Variants in IGSF21 observed in about 807,000 individuals in gnomAD.
The protein encoded by IGSF21 is immunoglobin superfamily member 21.
IGSF21 carries 28 observed loss-of-function variants against 46.8 expected under a neutral mutation model. The ratio of observed to expected loss-of-function variants is 0.60; its 90% CI spans 0.44 to 0.82. The LOEUF (loss-of-function observed/expected upper bound fraction) is 0.82, where lower values mean the gene tolerates loss of function less well. Among genes scored for constraint, IGSF21 ranks in the 40% least tolerant of loss-of-function variants. The pLI is 0.00. For synonymous variants in IGSF21, 284 were observed against 273.6 expected (o/e 1.04, Z -0.38); for missense variants, 624 against 665.5 (o/e 0.94, Z 0.69).
intron 4 of IGSF21, among the ~76,000 whole-genome samples, chr1:18,345,950 C>T (rs963286342): frequency 1.3e-5 from 2 of 152,192 alleles, no homozygotes; most frequent in Non-Finnish European, 2.9e-5. Flanking sequence ...ATTTCATTTC[C>T]CTAGACCTCA....
intron 1 of IGSF21, among the ~76,000 whole-genome samples, chr1:18,169,237 G>T (rs1258311851): frequency 6.6e-6 from 1 of 152,226 alleles, no homozygotes; most frequent in Non-Finnish European, 1.5e-5. Flanking sequence ...CGCCATGGAG[G>T]CCCATCTGCG....
chr1:18,142,527 C>T (rs1289600939), intron 1 of IGSF21, among the ~76,000 whole-genome samples: 3 of 152,186 alleles, frequency 2.0e-5, no homozygotes, highest in Non-Finnish European at 2.9e-5. Context: ...CCCTGGCCCT[C>T]GGGCCCTCCC....
intron 5 of IGSF21, 63 bp downstream of exon 5, chr1:18,362,293 T>C (rs1569878411): frequency 8.2e-7 from 1 of 1,218,686 alleles, no homozygotes; most frequent in Middle Eastern, 2.0e-4. Flanking sequence ...TCGGGGCTGG[T>C]CCAGCTGCAG....
At chr1:18,312,001 C>T (rs559366435) in intron 3 of IGSF21, among the ~76,000 whole-genome samples, 34 of 152,350 alleles carry the variant, frequency 2.2e-4, no homozygotes, top group African/African-American at 8.2e-4. Flanking sequence ...CCCAGAGAGG[C>T]CTTCCCTGAC....
rs185234120 is a variant in IGSF21 at position 18,322,974 on chromosome 1, C to T, written c.306-11918C>T. ...GGGAATGGGGAAGCGGGTTCAGGGC[C>T]CAAGGTGAACAGCAGTGGCTGGACA... On this transcript the variant is annotated intron_variant, in intron 3 of 9. Transcript: ENST00000251296. This position sits in a 1 kb window ranked among gnomAD's most constrained non-coding sequence, Gnocchi z 4.3. 2.6e-4 allele frequency among the ~76,000 whole-genome samples: 40 copies of T among 152,170 alleles called. No individual in the cohort carries two copies. The highest frequency in any genetic ancestry group is 1.9e-3 in the Admixed American group (29 of 15,284).
chr1:18,353,086 C>T (rs1288031538), intron 4 of IGSF21, among the ~76,000 whole-genome samples: 1 of 152,090 alleles, frequency 6.6e-6, no homozygotes, highest in Non-Finnish European at 1.5e-5. Context: ...TAAGCACAGA[C>T]GCAGCGTTTA....
chr1:18,311,343 C>A (rs1227104296), intron 3 of IGSF21, among the ~76,000 whole-genome samples: 1 of 152,186 alleles, frequency 6.6e-6, no homozygotes, highest in Non-Finnish European at 1.5e-5. Context: ...TAATCACTGT[C>A]CCCAGGAGCC....
At chr1:18,171,514 C>T (rs749542168) in intron 1 of IGSF21, among the ~76,000 whole-genome samples, 1 of 152,152 alleles carries the variant, frequency 6.6e-6, no homozygotes, top group African/African-American at 2.4e-5. Context: ...CAGTCCCCAG[C>T]GTCAGAAAGT....
In IGSF21 at chr1:18,335,091, G is replaced by A; in HGVS notation, c.424+81G>A. Reference sequence around the variant, plus strand: ...AGTGTGTGAATGTGCGCACAGAGTGGCCATCCTGGGGGCCATCCACCAGAA... The same window carrying A: ...AGTGTGTGAATGTGCGCACAGAGTGACCATCCTGGGGGCCATCCACCAGAA... On this transcript the variant is annotated intron_variant, in intron 4 of 9. Transcript: ENST00000251296. The surrounding 1 kb of genome is among the most constrained non-coding windows in gnomAD (Gnocchi z 4.8). The A allele has an allele frequency of 9.3e-7, 1 of 1,078,104 alleles. No homozygotes were observed. Among genetic ancestry groups the A allele is most frequent in the Non-Finnish European group, 1.4e-6 (1 of 704,590 alleles). 66.8% of individuals were successfully genotyped at this position (1,078,104 alleles called of 1,614,324 possible). A position where few individuals can be genotyped will look rare whatever the true frequency, so the allele number is the denominator to read the frequency against.
intron 4 of IGSF21, among the ~76,000 whole-genome samples, chr1:18,358,317 A>G (rs1376406661): frequency 2.0e-5 from 3 of 152,248 alleles, no homozygotes; most frequent in Non-Finnish European, 4.4e-5. Context: ...AGATAAGTTT[A>G]AAAAAGAAAA....
chr1:18,118,142 T>C (rs2086203367), intron 1 of IGSF21, among the ~76,000 whole-genome samples: 1 of 152,220 alleles, frequency 6.6e-6, no homozygotes, highest in Admixed American at 6.5e-5. Context: ...GGGTTTTTTT[T>C]TGTTCCTTTG....
intron 3 of IGSF21, among the ~76,000 whole-genome samples, chr1:18,294,443 G>A (rs2085294209): frequency 6.6e-6 from 1 of 152,182 alleles, no homozygotes; most frequent in Admixed American, 6.5e-5. Context: ...AATGCAGGCA[G>A]GTATTATTAT....
At chr1:18,141,240 A>C (rs1354255491) in intron 1 of IGSF21, among the ~76,000 whole-genome samples, 2 of 152,102 alleles carry the variant, frequency 1.3e-5, no homozygotes, top group Non-Finnish European at 2.9e-5. Flanking sequence ...GGAGAGAGAG[A>C]GTTTAAAGCT....
At chr1:18,129,114 T>C (rs1385154383) in intron 1 of IGSF21, among the ~76,000 whole-genome samples, 1 of 152,194 alleles carries the variant, frequency 6.6e-6, no homozygotes, top group Non-Finnish European at 1.5e-5. Flanking sequence ...GTCAGTGCTA[T>C]GAATCGATAC....
intron 4 of IGSF21, among the ~76,000 whole-genome samples, chr1:18,356,133 C>A (rs2086015790): frequency 6.6e-6 from 1 of 152,202 alleles, no homozygotes; most frequent in Non-Finnish European, 1.5e-5. Flanking sequence ...CTGCACCTGG[C>A]CTAGATTCTT....
chr1:18,273,967 C>T (rs1166144522), intron 2 of IGSF21, among the ~76,000 whole-genome samples: 1 of 152,166 alleles, frequency 6.6e-6, no homozygotes, highest in African/African-American at 2.4e-5. Context: ...TAGTCTGCTG[C>T]TCTATGTGTT....
intron 1 of IGSF21, among the ~76,000 whole-genome samples, chr1:18,190,779 A>C (rs977544682): frequency 2.0e-4 from 30 of 152,046 alleles, no homozygotes; most frequent in Non-Finnish European, 3.4e-4. Flanking sequence ...AGCTTGTAAA[A>C]CATGGCCAGC....
At chr1:18,309,793 A>G (rs914172283) in intron 3 of IGSF21, among the ~76,000 whole-genome samples, 2 of 152,128 alleles carry the variant, frequency 1.3e-5, no homozygotes, top group Non-Finnish European at 2.9e-5. Flanking sequence ...GGAGGGCTGG[A>G]GCTGCTGGAA....
intron 2 of IGSF21, among the ~76,000 whole-genome samples, chr1:18,246,040 G>C (rs778842451): frequency 2.0e-5 from 3 of 152,196 alleles, no homozygotes; most frequent in Non-Finnish European, 4.4e-5. Flanking sequence ...GCCTTGAATG[G>C]TCCAGCTCTC....
Sources: gnomAD v4.1 joint callset for allele counts (sites outside exome capture counted in the v4.1 genomes callset) on GRCh38, gnomAD v4.1.1 for gene constraint, Gnocchi (gnomAD v3.1) non-coding constraint, MANE v1.5 for transcripts, NCBI Gene and HGNC (gene_info 2026-07-23, HGNC 2026-07-21) for gene names.